The following SGCD variants were observed in gnomAD, a reference collection of about 807,000 sequenced individuals.
The protein encoded by SGCD is sarcoglycan delta.
Under a neutral mutation model 36.6 loss-of-function variants are expected in SGCD, and 18 were observed. The observed-to-expected ratio is 0.49, with a 90% CI of 0.34 to 0.73. SGCD has a LOEUF of 0.73. Among genes scored for constraint, SGCD ranks in the 30% least tolerant of loss-of-function variants. SGCD has a pLI of 0.01. For synonymous variants in SGCD, 133 were observed against 130.6 expected (o/e 1.02, Z -0.12); for missense variants, 387 against 346.7 (o/e 1.12, Z -0.92).
chr5:155,767,871 ATTAT>A, the SGCD span, among the ~76,000 whole-genome samples: 1 of 152,080 alleles, frequency 6.6e-6, no homozygotes, highest in African/African-American at 2.4e-5. Context: ...CCTTTGTGCT[ATTAT>A]TTGTTTAATA....
chr5:156,553,067 G>A (rs998791496), intron 4 of SGCD, among the ~76,000 whole-genome samples: 7 of 152,174 alleles, frequency 4.6e-5, no homozygotes, highest in African/African-American at 9.7e-5. Context: ...GGCAGCCAGC[G>A]TGTGTGGAGA....
At position 156,091,422 on chromosome 5, in the gene SGCD, C is replaced by T. The variant is rs139866889; in HGVS notation, c.-281-26456C>T. Among the ~76,000 whole-genome samples, 1,227 of 152,252 alleles carry T rather than the reference C, an allele frequency of 8.1e-3. 19 individuals are homozygous for T. The highest frequency in any genetic ancestry group is 0.027 in the African/African-American group (1,127 of 41,526). Reference sequence around the variant, plus strand: ...GGACAGCTCTAGGGCCCTGGTTAGGCCAGGTAGCTCAGCCCTCTGTGCAGC... The same window carrying T: ...GGACAGCTCTAGGGCCCTGGTTAGGTCAGGTAGCTCAGCCCTCTGTGCAGC... On this transcript the variant is annotated intron_variant, in intron 1 of 9. Transcript: ENST00000517913.
intron 1 of SGCD, among the ~76,000 whole-genome samples, chr5:156,075,592 T>C (rs546215155): frequency 5.9e-5 from 9 of 152,310 alleles, no homozygotes; most frequent in Admixed American, 3.9e-4. Flanking sequence ...ACAAATTCTA[T>C]TGATATTTTA....
intron 1 of SGCD, among the ~76,000 whole-genome samples, chr5:156,048,700 A>T (rs551659265): frequency 6.6e-6 from 1 of 152,066 alleles, no homozygotes; most frequent in South Asian, 2.1e-4. Context: ...AATTTGTTGG[A>T]GTTCATTGTA....
intron 1 of SGCD, among the ~76,000 whole-genome samples, chr5:156,077,534 C>T (rs903588701): frequency 7.2e-5 from 11 of 152,062 alleles, no homozygotes; most frequent in Admixed American, 6.5e-4. Context: ...CTTCTTTGGC[C>T]TAGTCAACTT....
At chr5:155,985,013 G>T (rs1386842863) in intron 1 of SGCD, among the ~76,000 whole-genome samples, 1 of 152,204 alleles carries the variant, frequency 6.6e-6, no homozygotes, top group Admixed American at 6.5e-5. Flanking sequence ...AATAGATACT[G>T]GGTGGATGGA....
In SGCD at chr5:155,895,915, C is replaced by G. The variant is rs145879393; in HGVS notation, c.-282+25491C>G. On this transcript the variant is annotated intron_variant, in intron 1 of 9. Coordinates refer to the SGCD transcript ENST00000517913. ...CTGACATTGTTTTAGTTAAACTTCC[C>G]TGTTGCTGTGAGAGAAGTGACCTGC... Among the ~76,000 whole-genome samples the G allele has an allele frequency of 5.0e-3, 756 of 152,344 alleles. 1 individual carries two copies. Among genetic ancestry groups the G allele is most frequent in the Middle Eastern group, 0.02 (6 of 294 alleles).
At chr5:155,946,410 CT>C (rs1757438192) in intron 1 of SGCD, among the ~76,000 whole-genome samples, 1 of 152,042 alleles carries the variant, frequency 6.6e-6, no homozygotes, top group South Asian at 2.1e-4. Flanking sequence ...TTTCCCAAGT[CT>C]TTTCTGTTTG....
the SGCD span, among the ~76,000 whole-genome samples, chr5:155,743,932 ACCAAGTGT>A: frequency 6.6e-6 from 1 of 152,208 alleles, no homozygotes; most frequent in East Asian, 1.9e-4. Flanking sequence ...CTAGAAGAGG[ACCAAGTGT>A]CCCTTGGTTG....
At chr5:156,640,782 C>T (rs1239216408) in intron 6 of SGCD, among the ~76,000 whole-genome samples, 1 of 152,072 alleles carries the variant, frequency 6.6e-6, no homozygotes, top group Admixed American at 6.6e-5. Context: ...TGTCCTGATT[C>T]CTAAAAAGAA....
At chr5:155,856,717 A>G in the SGCD span, among the ~76,000 whole-genome samples, 2 of 152,226 alleles carry the variant, frequency 1.3e-5, no homozygotes, top group Non-Finnish European at 2.9e-5. Flanking sequence ...CACCAAAAAT[A>G]TATATGGAAA....
chr5:156,725,422 G>C (rs1208493471), intron 7 of SGCD, among the ~76,000 whole-genome samples: 1 of 152,190 alleles, frequency 6.6e-6, no homozygotes, highest in Non-Finnish European at 1.5e-5. Flanking sequence ...GGATGAACTG[G>C]TTAGAAAGAA....
chr5:155,985,869 T>C (rs967790726), intron 1 of SGCD, among the ~76,000 whole-genome samples: 7 of 152,258 alleles, frequency 4.6e-5, no homozygotes, highest in Non-Finnish European at 5.9e-5. Flanking sequence ...TGCTTGTAAA[T>C]GCTTTTCCCC....
At chr5:156,434,870 C>A (rs980391566) in intron 3 of SGCD, among the ~76,000 whole-genome samples, 1 of 152,146 alleles carries the variant, frequency 6.6e-6, no homozygotes, top group South Asian at 2.1e-4. Flanking sequence ...TATAAGAGAG[C>A]TGGAGGAGAA....
At chr5:156,462,101 A>C (rs371177165) in intron 3 of SGCD, among the ~76,000 whole-genome samples, 1 of 152,310 alleles carries the variant, frequency 6.6e-6, no homozygotes, top group East Asian at 1.9e-4. Context: ...AATGGATGGG[A>C]GGTGGGAGTG....
chr5:156,587,810 C>G (rs1452937833), intron 4 of SGCD, among the ~76,000 whole-genome samples: 1 of 152,046 alleles, frequency 6.6e-6, no homozygotes, highest in East Asian at 1.9e-4. Context: ...TGAGAATAAT[C>G]TCACCCTTCA....
At chr5:156,224,771 C>A (rs574401935) in intron 3 of SGCD, among the ~76,000 whole-genome samples, 6 of 152,098 alleles carry the variant, frequency 3.9e-5, no homozygotes, top group Non-Finnish European at 1.5e-5. Context: ...GGCCACATGC[C>A]TTTGTCTCAA....
the SGCD span, among the ~76,000 whole-genome samples, chr5:155,728,001 TC>T: frequency 8.6e-5 from 13 of 151,560 alleles, no homozygotes; most frequent in African/African-American, 2.9e-4. Flanking sequence ...GGAGTGGAGC[TC>T]CCCCCACCCC....
chr5:156,272,098 G>A (rs1766195979), intron 3 of SGCD, among the ~76,000 whole-genome samples: 1 of 152,048 alleles, frequency 6.6e-6, no homozygotes. Context: ...TTTCTGAGAT[G>A]TTAGTGCACC....
Sources: allele counts gnomAD v4.1 joint callset (sites outside exome capture counted in the v4.1 genomes callset), GRCh38; gene constraint gnomAD v4.1.1; transcripts MANE v1.5; gene names NCBI Gene and HGNC (gene_info 2026-07-23, HGNC 2026-07-21).